The following TFEC variants were observed in gnomAD, a reference collection of about 807,000 sequenced individuals.
The protein encoded by TFEC is transcription factor EC.
A neutral mutation model predicts 41.6 loss-of-function variants in TFEC; 31 were observed. The observed-to-expected ratio is 0.74, with a 90% CI of 0.56 to 1.01. TFEC has a LOEUF of 1.01. Ranked by LOEUF, TFEC falls within the 50% of genes least tolerant of loss-of-function variation. The pLI is 0.00. For synonymous variants in TFEC, 143 were observed against 140.6 expected, an observed-to-expected ratio of 1.02 and a Z score of -0.12; for missense variants, 402 against 404.1, an observed-to-expected ratio of 0.99 and a Z score of 0.04.
intron 3 of TFEC, among the ~76,000 whole-genome samples, chr7:115,973,913 C>A (rs1793249090): frequency 6.6e-6 from 1 of 151,760 alleles, no homozygotes; most frequent in African/African-American, 2.4e-5. Context: ...AAAATGCTAG[C>A]AAATTAGATA....
intron 1 of TFEC, among the ~76,000 whole-genome samples, chr7:116,128,932 GAAGT>G (rs1269277602): frequency 1.3e-5 from 2 of 151,888 alleles, no homozygotes; most frequent in Non-Finnish European, 1.5e-5. Context: ...AAAGACAATA[GAAGT>G]AAGTGCAAAC....
intron 3 of TFEC, among the ~76,000 whole-genome samples, chr7:116,055,900 T>G (rs1011199412): frequency 6.6e-6 from 1 of 152,140 alleles, no homozygotes; most frequent in African/African-American, 2.4e-5. Flanking sequence ...TTGTGTATAC[T>G]ATACCATGCC....
chr7:115,945,770 T>A (rs1203420089), intron 6 of TFEC, among the ~76,000 whole-genome samples: 1 of 151,798 alleles, frequency 6.6e-6, no homozygotes, highest in African/African-American at 2.4e-5. Context: ...AATTCTGGTC[T>A]ATCATAAATT....
chr7:116,040,330 A>C (rs974009333), intron 3 of TFEC, among the ~76,000 whole-genome samples: 3 of 152,180 alleles, frequency 2.0e-5, no homozygotes, highest in African/African-American at 7.2e-5. Flanking sequence ...TAAAAAGTGA[A>C]TATATGCACA....
intron 3 of TFEC, among the ~76,000 whole-genome samples, chr7:115,971,155 C>T (rs1234862054): frequency 1.3e-5 from 2 of 151,998 alleles, no homozygotes; most frequent in Non-Finnish European, 2.9e-5. Context: ...TTGTGGAGGG[C>T]TGTTCAAGCC....
intron 1 of TFEC, among the ~76,000 whole-genome samples, chr7:116,001,857 AAAG>A (rs1322223357): frequency 6.6e-6 from 1 of 152,228 alleles, no homozygotes; most frequent in Non-Finnish European, 1.5e-5. Flanking sequence ...ACATTTCTCA[AAAG>A]AAGACAAACA....
intron 1 of TFEC, among the ~76,000 whole-genome samples, chr7:116,155,524 A>G (rs1270890962): frequency 6.6e-6 from 1 of 152,148 alleles, no homozygotes; most frequent in African/African-American, 2.4e-5. Flanking sequence ...CATTAAACTC[A>G]GGCACATTTT....
intron 3 of TFEC, among the ~76,000 whole-genome samples, chr7:115,973,481 A>T (rs1793228984): frequency 6.6e-6 from 1 of 151,988 alleles, no homozygotes; most frequent in Non-Finnish European, 1.5e-5. Flanking sequence ...TAAACAAACA[A>T]ACAATAATCC....
chr7:116,079,329 G>A (rs1421375024), intron 3 of TFEC, among the ~76,000 whole-genome samples: 1 of 152,024 alleles, frequency 6.6e-6, no homozygotes, highest in African/African-American at 2.4e-5. Context: ...GCCCTAACCA[G>A]AGCAATCAGA....
At chr7:116,003,703 A>G (rs1794684370) in intron 1 of TFEC, among the ~76,000 whole-genome samples, 1 of 152,190 alleles carries the variant, frequency 6.6e-6, no homozygotes, top group Non-Finnish European at 1.5e-5. Flanking sequence ...TCAAGCTCTC[A>G]TGGAATATGT....
At chr7:115,985,436 C>A (rs1429376971) in intron 1 of TFEC, among the ~76,000 whole-genome samples, 4 of 152,056 alleles carry the variant, frequency 2.6e-5, no homozygotes, top group Non-Finnish European at 5.9e-5. Context: ...ACATTTTTCT[C>A]AAGTGGCCTA....
rs1205089863 is a variant in TFEC, at chr7:115,939,117, AT to A, written c.*1433del. On this transcript the variant is annotated 3_prime_UTR_variant, in exon 8 of 8. Transcript: ENST00000265440. The stretch of plus-strand genomic sequence containing the variant: ...TTCTGTATTTACAGTTTATGCTTAG[AT>A]TTTTTATTCTATATGTCTTCTATCT... The A allele has an allele frequency of 2.0e-5, 3 of 151,880 alleles. No individual in the cohort carries two copies. Among genetic ancestry groups the A allele is most frequent in the African/African-American group, 4.8e-5 (2 of 41,370 alleles). The allele number at this position is 151,880 out of a possible 1,614,324, so 9.4% of individuals were successfully genotyped here.
chr7:116,072,423 T>C (rs1356028113), intron 3 of TFEC, among the ~76,000 whole-genome samples: 1 of 151,594 alleles, frequency 6.6e-6, no homozygotes, highest in African/African-American at 2.4e-5. Flanking sequence ...ATTATTTTTA[T>C]GCTTTGATAT....
chr7:116,118,727 C>T (rs182408453), intron 1 of TFEC, among the ~76,000 whole-genome samples: 91 of 151,808 alleles, frequency 6.0e-4, no homozygotes, highest in Admixed American at 1.5e-3. Flanking sequence ...GAAAGAGAAA[C>T]GTGCAAAGAT....
intron 1 of TFEC, among the ~76,000 whole-genome samples, chr7:116,158,703 T>C (rs1435307554): frequency 2.0e-5 from 3 of 152,106 alleles, no homozygotes; most frequent in Non-Finnish European, 2.9e-5. Context: ...GATAAAATGT[T>C]AGGCTTTTTC....
intron 1 of TFEC, among the ~76,000 whole-genome samples, chr7:116,023,953 C>A (rs1332304630): frequency 6.6e-6 from 1 of 152,084 alleles, no homozygotes; most frequent in Non-Finnish European, 1.5e-5. Flanking sequence ...GCAATTAATT[C>A]CCTTTTTTAG....
intron 3 of TFEC, chr7:115,968,256 T>C: frequency 6.5e-7 from 1 of 1,530,436 alleles, no homozygotes; most frequent in Non-Finnish European, 8.7e-7. Context: ...ATCATTTTCT[T>C]TTCCTTAAAC....
chr7:115,953,310 C>T (rs1792046991), intron 5 of TFEC, among the ~76,000 whole-genome samples: 1 of 152,042 alleles, frequency 6.6e-6, no homozygotes, highest in Admixed American at 6.6e-5. Flanking sequence ...TTTATGTAAA[C>T]TTCTGGTAAA....
chr7:115,988,149 C>T (rs985085383), intron 1 of TFEC, among the ~76,000 whole-genome samples: 2 of 152,044 alleles, frequency 1.3e-5, no homozygotes, highest in African/African-American at 4.8e-5. Context: ...CTTTTACATC[C>T]AGTACATCCT....
Sources: gnomAD v4.1 joint callset for allele counts (sites outside exome capture counted in the v4.1 genomes callset) on GRCh38, gnomAD v4.1.1 for gene constraint, MANE v1.5 for transcripts, NCBI Gene and HGNC (gene_info 2026-07-23, HGNC 2026-07-21) for gene names.